The following CARD14 variants were observed in gnomAD, a reference collection of about 807,000 sequenced individuals.
CARD14 encodes caspase recruitment domain family member 14.
Under a neutral mutation model 111.5 loss-of-function variants are expected in CARD14, and 107 were observed. The observed-to-expected ratio is 0.96, with a 90% CI of 0.82 to 1.13. The LOEUF is 1.13. CARD14 is among the 50% of genes most tolerant of loss of function. The pLI, the probability that CARD14 is intolerant of heterozygous loss-of-function variation, is 0.00. For synonymous variants in CARD14, 617 were observed against 579.6 expected (o/e 1.06, Z -0.93); for missense variants, 1,322 against 1,362.3 (o/e 0.97, Z 0.47).
intron 7 of CARD14, among the ~76,000 whole-genome samples, chr17:80,186,869 A>G (rs1352483745): frequency 1.3e-5 from 2 of 152,158 alleles, no homozygotes; most frequent in Non-Finnish European, 2.9e-5. Context: ...CTTTTAGAGA[A>G]CAAGATGTGG....
chr17:80,191,889 AC>A (rs1160298422), intron 11 of CARD14, among the ~76,000 whole-genome samples: 1 of 152,234 alleles, frequency 6.6e-6, no homozygotes, highest in African/African-American at 2.4e-5. Flanking sequence ...CCTACATGTA[AC>A]GGAGGGAGCG....
chr17:80,176,200 G>C (rs7215759), intron 2 of CARD14, among the ~76,000 whole-genome samples: 5 of 147,032 alleles, frequency 3.4e-5, no homozygotes, highest in African/African-American at 1.0e-4. Flanking sequence ...GAGGCTGAGG[G>C]GGGAGGATCA....
chr17:80,192,437 A>T, intron 11 of CARD14, 66 bp from the exon 12 acceptor site: 1 of 1,249,824 alleles, frequency 8.0e-7, no homozygotes, highest in East Asian at 2.4e-5. Context: ...ACCTGGTAGA[A>T]ACTCCACGGG....
At chr17:80,194,747 G>A (rs2040649416) in intron 12 of CARD14, among the ~76,000 whole-genome samples, 1 of 152,146 alleles carries the variant, frequency 6.6e-6, no homozygotes, top group Non-Finnish European at 1.5e-5. Context: ...GATCTTGTGA[G>A]AACTCAGTCA....
chr17:80,192,658 C>A (rs371614198), intron 12 of CARD14, 39 bp downstream of exon 12: 1 of 1,502,322 alleles, frequency 6.7e-7, no homozygotes, highest in Non-Finnish European at 9.2e-7. Context: ...TGCCTTGACC[C>A]TCTGGGCCAG....
At chr17:80,206,938 C>G in intron 22 of CARD14, 32 bp from the exon 23 acceptor site, 1 of 1,543,528 alleles carries the variant, frequency 6.5e-7, no homozygotes, top group Non-Finnish European at 8.9e-7. Flanking sequence ...GGCCTGTGAT[C>G]TTGACTCACT....
At chr17:80,177,330 G>A (rs977983598) in intron 2 of CARD14, among the ~76,000 whole-genome samples, 2 of 151,964 alleles carry the variant, frequency 1.3e-5, no homozygotes, top group African/African-American at 2.4e-5. Flanking sequence ...AGGCTCAAGC[G>A]ATCCTCCCAC....
Position 80,183,926 on chromosome 17 carries a change from A to G in CARD14, c.363A>G (p.Thr121=), listed in dbSNP as rs772510822. The G allele has an allele frequency of 1.2e-4, 184 of 1,517,556 alleles. No homozygotes were observed. The highest frequency in any genetic ancestry group is 1.5e-4 in the Non-Finnish European group (171 of 1,131,662). The allele number at this position is 1,517,556 out of a possible 1,614,324, so 94.0% of individuals were successfully genotyped here. A position where few individuals can be genotyped will look rare whatever the true frequency, so the allele number is the denominator to read the frequency against. ...ATCTGCCCACAGGTCTCATGGAGACATCCAAGCTGACCGAGTGCCTGGCTG... is the reference window on the plus strand; with the variant it reads ...ATCTGCCCACAGGTCTCATGGAGACGTCCAAGCTGACCGAGTGCCTGGCTG... The part of the protein sequence containing the change: ...DFSNFSGLME[T]SKLTECLAGA... Residue 121 remains threonine, a synonymous_variant, in exon 7 of 24, where the codon ACA becomes ACG. Transcript: ENST00000648509.
At position 80,191,344 on chromosome 17, in the gene CARD14, G is replaced by T; in HGVS notation, c.1111G>T (p.Ala371Ser). The part of the protein sequence containing the change: ...RDQAYSARDS[A>S]QREISQSLVE... ...ACAGGCGTACTCCGCGAGGGACAGT[G>T]CTCAGAGGGAGATTTCCCAGAGCCT... is the stretch of plus-strand genomic sequence containing the variant. Residue 371 changes from alanine to serine, a missense_variant, in exon 11 of 24, where the codon GCT (alanine) becomes TCT (serine). By Grantham distance (99) the Ala-to-Ser change is moderately conservative (BLOSUM62 1). Transcript: ENST00000648509. 6.2e-7 allele frequency: 1 copy of T among 1,613,894 alleles called. No homozygotes were observed.
At position 80,181,588 on chromosome 17, in the gene CARD14, C is replaced by T. The variant is rs145933018; in HGVS notation, c.150C>T (p.Cys50=). ...TPYLRQAKVL[C]QLDEEEVLHS... is the part of the protein sequence containing the mutation. The stretch of plus-strand genomic sequence containing the variant: ...ACCTGCGCCAGGCCAAGGTGCTGTG[C>T]CAGCTGGACGAGGAGGAGGTGCTGC... Residue 50 remains cysteine, a synonymous_variant, in exon 5 of 24, where the codon TGC becomes TGT. Transcript: ENST00000648509. The T allele has an allele frequency of 1.3e-6, 2 of 1,562,446 alleles. No homozygotes were observed. Among genetic ancestry groups the T allele is most frequent in the Non-Finnish European group, 1.7e-6 (2 of 1,153,588 alleles).
chr17:80,172,895 T>TTTTTTTTTTTTTTTTTTTTG lies in CARD14; in HGVS notation c.-689-8_-689-7insTTTTTTTTTTTTTTTTGTTT, dbSNP rs2039935763. The TTTTTTTTTTTTTTTTTTTTG allele has an allele frequency of 1.4e-5, 2 of 142,776 alleles. No homozygotes were observed. Among genetic ancestry groups the TTTTTTTTTTTTTTTTTTTTG allele is most frequent in the Non-Finnish European group, 3.1e-5 (2 of 65,538 alleles). The allele number at this position is 142,776 out of a possible 1,614,324, so 8.8% of individuals were successfully genotyped here. A position where few individuals can be genotyped will look rare whatever the true frequency, so the allele number is the denominator to read the frequency against. On this transcript the variant is annotated splice_polypyrimidine_tract_variant and intron_variant, in intron 1 of 23. Transcript: ENST00000648509. Reference sequence around the variant, plus strand: ...TTCTTTTTTTTTTTTTTTTTTTTTTTTTTGAGGTAGAGTTTCACTCTGGCT... The same window carrying TTTTTTTTTTTTTTTTTTTTG: ...TTCTTTTTTTTTTTTTTTTTTTTTTTTTTTTTTTTTTTTTTTTTTGTTTGAGGTAGAGTTTCACTCTGGCT...
chr17:80,180,420 G>A (rs1402533432), intron 4 of CARD14, among the ~76,000 whole-genome samples: 1 of 152,122 alleles, frequency 6.6e-6, no homozygotes, highest in African/African-American at 2.4e-5. Flanking sequence ...CGTGCTGGCC[G>A]TTACTACCCT....
At chr17:80,202,885 G>A (rs745588437) in intron 18 of CARD14, 15 of 168,634 alleles carry the variant, frequency 8.9e-5, no homozygotes, top group Middle Eastern at 3.0e-3. Context: ...AGCCCCACTT[G>A]CAGGGAAGCC....
chr17:80,198,373 C>G lies in CARD14; in HGVS notation c.1659-26C>G, dbSNP rs181876183. ...CGGCTCTCCTGCTCTGGGCAGTGCA[C>G]AAGCCGGTCGTCTCCCGGCCTGCAG... On this transcript the variant is annotated intron_variant, in intron 15 of 23. Coordinates refer to ENST00000648509, the MANE Select transcript of CARD14 (RefSeq NM_001366385.1). This position sits in a 1 kb window ranked among gnomAD's most constrained non-coding sequence, Gnocchi z 7.5. 2.5e-6 allele frequency: 4 copies of G among 1,579,756 alleles called. No homozygotes were observed. The South Asian group carries it at 4.7e-5, about 18-fold the overall frequency.
chr17:80,191,463 T>G lies in CARD14; in HGVS notation c.1230T>G (p.Pro410=). 6.2e-7 allele frequency: 1 copy of G among 1,612,288 alleles called. No individual in the cohort carries two copies. The highest frequency in any genetic ancestry group is 8.5e-7 in the Non-Finnish European group (1 of 1,178,976). Residue 410 remains proline (P), a synonymous_variant, in exon 11 of 24, where the codon CCT becomes CCG. Coordinates refer to ENST00000648509, the MANE Select transcript of CARD14 (RefSeq NM_001366385.1). The stretch of plus-strand genomic sequence containing the variant: ...AGCTTCGCCAGCTGCAGGCAGAGCC[T>G]CCGGGTGTGGTGAGTGTTCCCGGCT... ...RTQLRQLQAE[P]PGVLKQEART... is the part of the protein sequence containing the mutation.
rs1445208037 is a variant in CARD14 at position 80,181,495 on chromosome 17, G to A, written c.57G>A (p.Leu19=). 6.3e-7 allele frequency: 1 copy of A among 1,589,540 alleles called. No individual in the cohort carries two copies. The highest frequency in any genetic ancestry group is 8.6e-7 in the Non-Finnish European group (1 of 1,167,208). ...SALTALDEET[L]WEMMESHRHR... is the part of the protein sequence containing the mutation. ...TCACGGCACTGGACGAGGAGACACT[G>A]TGGGAGATGATGGAGAGCCACCGCC... Residue 19 remains leucine (L), a synonymous_variant, in exon 5 of 24, where the codon CTG becomes CTA. Coordinates refer to ENST00000648509, the MANE Select transcript of CARD14 (RefSeq NM_001366385.1).
rs2144150322 is a variant in CARD14 at position 80,181,580 on chromosome 17, G to A, written c.142G>A (p.Val48Met). ...RLTPYLRQAK[V>M]LCQLDEEEVL... ...CACCCCCTACCTGCGCCAGGCCAAG[G>A]TGCTGTGCCAGCTGGACGAGGAGGA... The change falls in exon 5 of 24, where the codon GTG becomes ATG. Residue 48 changes from valine to methionine, a missense_variant. Physicochemically the swap from Val to Met is conservative, Grantham distance 21. Coordinates refer to ENST00000648509, the MANE Select transcript of CARD14 (RefSeq NM_001366385.1). 6.4e-7 allele frequency: 1 copy of A among 1,565,398 alleles called. No individual in the cohort carries two copies. The highest frequency in any genetic ancestry group is 8.7e-7 in the Non-Finnish European group (1 of 1,155,200).
intron 2 of CARD14, among the ~76,000 whole-genome samples, chr17:80,175,933 T>A (rs1195267807): frequency 7.7e-6 from 1 of 129,966 alleles, no homozygotes; most frequent in South Asian, 2.6e-4. Flanking sequence ...AGGGTGGGAT[T>A]GCCAGCTGCT....
chr17:80,191,248 A>T, intron 10 of CARD14, 75 bp from the exon 11 acceptor site: 1 of 1,554,836 alleles, frequency 6.4e-7, no homozygotes, highest in Non-Finnish European at 8.8e-7. Flanking sequence ...CAGGCTAGAA[A>T]CAGGGCTCTC....
Sources: allele counts gnomAD v4.1 joint callset (sites outside exome capture counted in the v4.1 genomes callset), GRCh38; gene constraint gnomAD v4.1.1; non-coding constraint Gnocchi (gnomAD v3.1); transcripts MANE v1.5; gene names NCBI Gene and HGNC (gene_info 2026-07-23, HGNC 2026-07-21).